Variants in SYNPO2 observed in about 807,000 individuals in gnomAD.
SYNPO2 encodes synaptopodin-2.
Under a neutral mutation model 85.0 loss-of-function variants are expected in SYNPO2, and 56 were observed. The ratio of observed to expected loss-of-function variants is 0.66; its 90% CI spans 0.53 to 0.82. SYNPO2 has a LOEUF of 0.82. SYNPO2 is among the 40% of genes least tolerant of loss of function. The pLI is 0.00. For synonymous variants in SYNPO2, 602 were observed against 591.1 expected, an observed-to-expected ratio of 1.02 and a Z score of -0.27; for missense variants, 1,575 against 1,534.2, an observed-to-expected ratio of 1.03 and a Z score of -0.44.
intron 1 of SYNPO2, among the ~76,000 whole-genome samples, chr4:118,978,488 C>T (rs1244553061): frequency 6.6e-6 from 1 of 152,132 alleles, no homozygotes; most frequent in Non-Finnish European, 1.5e-5. Flanking sequence ...TGCAGGGAAA[C>T]TTCGGCTATA....
At chr4:119,048,054 G>A (rs1738924687) in intron 4 of SYNPO2, among the ~76,000 whole-genome samples, 2 of 152,162 alleles carry the variant, frequency 1.3e-5, no homozygotes, top group South Asian at 4.1e-4. Flanking sequence ...TGAAATCAAA[G>A]CCGTTTGAAA....
intron 1 of SYNPO2, among the ~76,000 whole-genome samples, chr4:118,890,242 T>C (rs1732318889): frequency 6.6e-6 from 1 of 152,036 alleles, no homozygotes; most frequent in Non-Finnish European, 1.5e-5. Flanking sequence ...GCATCATATG[T>C]AAATCCTTTC....
At chr4:118,862,505 TC>T (rs2110566393) in intron 1 of SYNPO2, among the ~76,000 whole-genome samples, 1 of 152,332 alleles carries the variant, frequency 6.6e-6, no homozygotes, top group South Asian at 2.1e-4. Flanking sequence ...ATACCTCCTA[TC>T]CCCAGTTTTT....
chr4:118,958,173 CCTT>C (rs540715821), intron 1 of SYNPO2, among the ~76,000 whole-genome samples: 573 of 152,230 alleles, frequency 3.8e-3, no homozygotes, highest in African/African-American at 0.013. Context: ...TTGTTTTCAT[CCTT>C]CTCACATCTC....
chr4:118,970,686 G>A (rs1201179697), intron 1 of SYNPO2, among the ~76,000 whole-genome samples: 1 of 152,092 alleles, frequency 6.6e-6, no homozygotes, highest in Non-Finnish European at 1.5e-5. Context: ...TCCAATTACT[G>A]CCAAAATAGA....
chr4:118,881,505 G>A (rs534463586), intron 1 of SYNPO2, among the ~76,000 whole-genome samples: 1 of 152,276 alleles, frequency 6.6e-6, no homozygotes, highest in African/African-American at 2.4e-5. Context: ...CACCCAATCC[G>A]TGGCGTTTGT....
At chr4:118,899,059 A>G (rs1034590199) in intron 1 of SYNPO2, among the ~76,000 whole-genome samples, 5 of 152,218 alleles carry the variant, frequency 3.3e-5, no homozygotes, top group African/African-American at 1.2e-4. Context: ...CTGTGATCAC[A>G]CACAGCTTTC....
chr4:118,879,489 T>C (rs1203867437), intron 1 of SYNPO2, among the ~76,000 whole-genome samples: 1 of 152,148 alleles, frequency 6.6e-6, no homozygotes, highest in African/African-American at 2.4e-5. Context: ...ACAAGAGAGA[T>C]GATCTTTCTC....
At chr4:119,054,945 T>G (rs1329173112) in intron 4 of SYNPO2, among the ~76,000 whole-genome samples, 3 of 152,186 alleles carry the variant, frequency 2.0e-5, no homozygotes, top group Non-Finnish European at 4.4e-5. Context: ...CCAGGGCCTC[T>G]GTAGACCACT....
intron 4 of SYNPO2, among the ~76,000 whole-genome samples, chr4:119,049,217 G>T (rs1214717476): frequency 6.6e-6 from 1 of 152,122 alleles, no homozygotes; most frequent in South Asian, 2.1e-4. Flanking sequence ...GAATATCTGT[G>T]GTTTCTTCTA....
intron 2 of SYNPO2, 113 bp downstream of exon 2, chr4:119,023,694 G>C (rs1299531779): frequency 4.8e-6 from 6 of 1,249,620 alleles, no homozygotes; most frequent in Non-Finnish European, 6.4e-6. Context: ...GTGCTTTGTA[G>C]AAGGTTAGGT....
At chr4:119,014,562 AT>A (rs1262425134) in intron 1 of SYNPO2, among the ~76,000 whole-genome samples, 1 of 152,238 alleles carries the variant, frequency 6.6e-6, no homozygotes, top group Non-Finnish European at 1.5e-5. Flanking sequence ...TTTAATAAAA[AT>A]TTAAAATTTC....
intron 1 of SYNPO2, among the ~76,000 whole-genome samples, chr4:119,010,635 T>C (rs1737260445): frequency 6.6e-6 from 1 of 152,240 alleles, no homozygotes; most frequent in South Asian, 2.1e-4. Context: ...CTATGTGCTA[T>C]GCACTTCCAT....
At chr4:118,951,310 A>G (rs1734688505) in intron 1 of SYNPO2, among the ~76,000 whole-genome samples, 1 of 152,052 alleles carries the variant, frequency 6.6e-6, no homozygotes, top group Non-Finnish European at 1.5e-5. Flanking sequence ...GGAGGGGGAG[A>G]ATGCTGTGTC....
At chr4:118,901,821 A>G (rs1265506569) in intron 1 of SYNPO2, among the ~76,000 whole-genome samples, 1 of 152,240 alleles carries the variant, frequency 6.6e-6, no homozygotes, top group Non-Finnish European at 1.5e-5. Context: ...TGTCTGGCCC[A>G]CAGACCAGAC....
intron 1 of SYNPO2, among the ~76,000 whole-genome samples, chr4:118,987,390 C>T (rs1736257016): frequency 6.6e-6 from 1 of 152,106 alleles, no homozygotes; most frequent in African/African-American, 2.4e-5. Flanking sequence ...TAATATGGGC[C>T]AGGCATGGTG....
At chr4:118,949,080 TG>T (rs1372333101) in intron 1 of SYNPO2, among the ~76,000 whole-genome samples, 1 of 152,140 alleles carries the variant, frequency 6.6e-6, no homozygotes, top group Non-Finnish European at 1.5e-5. Flanking sequence ...CAAGAACCTT[TG>T]GCAAGCCTAA....
At chr4:118,879,722 C>G (rs1286165769) in intron 1 of SYNPO2, among the ~76,000 whole-genome samples, 1 of 152,192 alleles carries the variant, frequency 6.6e-6, no homozygotes, top group Non-Finnish European at 1.5e-5. Context: ...AACAGAGCAG[C>G]TGGTCATCAA....
chr4:118,916,729 C>CTT (rs199715189), intron 1 of SYNPO2, among the ~76,000 whole-genome samples: 62,887 of 116,964 alleles, frequency 0.54, 17,704 homozygotes, highest in East Asian at 0.74. Flanking sequence ...ATTTTTCTTT[C>CTT]TTTTTTTTTT....
Sources: allele counts gnomAD v4.1 joint callset (sites outside exome capture counted in the v4.1 genomes callset), GRCh38; gene constraint gnomAD v4.1.1; transcripts MANE v1.5; gene names NCBI Gene and HGNC (gene_info 2026-07-23, HGNC 2026-07-21).